ELP6: variants seen among roughly 807,000 people sequenced by gnomAD.
ELP6 encodes the protein elongator complex protein 6.
A neutral mutation model predicts 28.1 loss-of-function variants in ELP6; 23 were observed. The observed-to-expected ratio is 0.82, with a 90% CI of 0.59 to 1.16. ELP6 has a LOEUF of 1.16. Among genes scored for constraint, ELP6 ranks in the 50% most tolerant of loss-of-function variants. The probability of loss-of-function intolerance (pLI) is 0.00; values close to 1 mark genes in which losing one functional copy is unlikely to be tolerated. For missense variants in ELP6, 313 were observed against 334.6 expected (o/e 0.94, Z 0.50); for synonymous variants, 132 against 135.8 (o/e 0.97, Z 0.19).
intron 4 of ELP6, 159 bp downstream of exon 4, chr3:47,504,171 G>A: frequency 5.7e-6 from 5 of 876,244 alleles, no homozygotes; most frequent in South Asian, 2.0e-5. Flanking sequence ...CATGATAAGA[G>A]CCAGCATTTG....
intron 6 of ELP6, among the ~76,000 whole-genome samples, chr3:47,497,660 C>T (rs1576336466): frequency 6.6e-6 from 1 of 151,072 alleles, no homozygotes; most frequent in African/African-American, 2.4e-5. Flanking sequence ...CACGGTGGCT[C>T]ACACCTGTAA....
intron 6 of ELP6, chr3:47,497,881 A>T: frequency 1.1e-6 from 1 of 892,532 alleles, no homozygotes; most frequent in African/African-American, 1.8e-5. Context: ...CAGTGAGCCA[A>T]GATCGCGCCA....
At position 47,503,258 on chromosome 3, in the gene ELP6, T is replaced by A. The variant is rs115714861; in HGVS notation, c.323+1072A>T. ...CACCCACTGCATAAGGGTGTGTGTG[T>A]CTGAGAGATAAGGCAGTGGGGGAAG... On this transcript the variant is annotated intron_variant, in intron 4 of 6. Transcript: ENST00000296149. The A allele has an allele frequency of 2.4e-3, 2,969 of 1,258,868 alleles. 69 individuals are homozygous for A. The African/African-American group carries it at 0.041, about 17-fold the overall frequency. 78.0% of individuals were successfully genotyped at this position (1,258,868 alleles called of 1,614,324 possible).
chr3:47,513,699 G>A lies in ELP6; in HGVS notation c.-109C>T, dbSNP rs1422152334. ...CAGCCCGGCTCGCGCAAGGAAGCGCGCATGCGCAATGCCACTTTTGCGAGC... is the reference window on the plus strand; with the variant it reads ...CAGCCCGGCTCGCGCAAGGAAGCGCACATGCGCAATGCCACTTTTGCGAGC... On this transcript the variant is annotated 5_prime_UTR_variant, in exon 1 of 7. Transcript: ENST00000296149. 3.5e-6 allele frequency: 5 copies of A among 1,418,926 alleles called. No individual in the cohort carries two copies. In the East Asian group the frequency reaches 7.6e-5, roughly 22 times the overall value. 87.9% of individuals were successfully genotyped at this position (1,418,926 alleles called of 1,614,324 possible). A position where few individuals can be genotyped will look rare whatever the true frequency, so the allele number is the denominator to read the frequency against.
chr3:47,498,597 C>T, intron 5 of ELP6, 165 bp from the exon 6 acceptor site: 1 of 985,412 alleles, frequency 1.0e-6, no homozygotes, highest in South Asian at 4.7e-5. Context: ...ACCCTAATTC[C>T]AGTCACCTAC....
Position 47,500,437 on chromosome 3 carries a change from T to G in ELP6, c.525+1213A>C, listed in dbSNP as rs184936538. 313 of 169,722 alleles carry G rather than the reference T, an allele frequency of 1.8e-3. 2 individuals carry two copies. The highest frequency in any genetic ancestry group is 2.7e-3 in the Non-Finnish European group (224 of 83,888). The allele number at this position is 169,722 out of a possible 1,614,324, so 10.5% of individuals were successfully genotyped here. ...CAAATATGTGCATAATTGTACAGAC[T>G]GGCTGGAAGGATGCACGTTGGAGGG... On this transcript the variant is annotated intron_variant, in intron 5 of 6. Coordinates refer to ENST00000296149, the MANE Select transcript of ELP6 (RefSeq NM_001031703.3).
intron 1 of ELP6, chr3:47,511,791 G>A (rs1709024086): frequency 7.1e-6 from 7 of 991,104 alleles, no homozygotes; most frequent in Non-Finnish European, 7.2e-6. Flanking sequence ...ACCTCTAAGG[G>A]TGGTCTCTGC....
chr3:47,512,529 C>T (rs916842309), intron 1 of ELP6: 15 of 880,918 alleles, frequency 1.7e-5, no homozygotes, highest in Non-Finnish European at 1.5e-5. Flanking sequence ...CCAGCCCAGG[C>T]GAGGGAGCGA....
At chr3:47,513,369 C>A (rs1030808893) in intron 1 of ELP6, 168 bp downstream of exon 1, 106 of 1,409,498 alleles carry the variant, frequency 7.5e-5, no homozygotes, top group Admixed American at 2.2e-4. Context: ...TTCGGCGGGC[C>A]CAAGCCTCCA....
chr3:47,499,836 C>G, intron 5 of ELP6: 1 of 1,170,720 alleles, frequency 8.5e-7, no homozygotes, highest in South Asian at 1.7e-5. Flanking sequence ...TGGACTGCTG[C>G]CACAGAACTC....
intron 1 of ELP6, chr3:47,512,693 T>C: frequency 2.0e-6 from 2 of 985,416 alleles, no homozygotes; most frequent in Non-Finnish European, 2.4e-6. Context: ...AAGACGGACT[T>C]GGTCCAAGCC....
At chr3:47,509,795 G>C (rs1157736439) in intron 3 of ELP6, among the ~76,000 whole-genome samples, 2 of 149,858 alleles carry the variant, frequency 1.3e-5, no homozygotes, top group Non-Finnish European at 3.0e-5. Context: ...TTTTGAGACA[G>C]AGTCTTGTTC....
chr3:47,510,198 C>A lies in ELP6; in HGVS notation c.190G>T (p.Val64Leu). ...AAAATATTTACCAGCTTCTGTCCCACGATACTGTAGTGGCTGAAGGACTGG... is the reference window on the plus strand; with the variant it reads ...AAAATATTTACCAGCTTCTGTCCCAAGATACTGTAGTGGCTGAAGGACTGG... ...LIQSFSHYSI[V>L]GQKLGVSLTM... Residue 64 changes from valine to leucine, a missense_variant, in exon 3 of 7, where the codon GTG becomes TTG. Val to Leu is a conservative substitution (Grantham distance 32, BLOSUM62 1). Coordinates refer to ENST00000296149, the MANE Select transcript of ELP6 (RefSeq NM_001031703.3). The A allele has an allele frequency of 6.2e-7, 1 of 1,613,756 alleles. No individual in the cohort carries two copies. Among genetic ancestry groups the A allele is most frequent in the South Asian group, 1.1e-5 (1 of 91,080 alleles).
At chr3:47,498,096 G>A in intron 6 of ELP6, 190 bp downstream of exon 6, 4 of 1,369,186 alleles carry the variant, frequency 2.9e-6, no homozygotes, top group Non-Finnish European at 3.9e-6. Flanking sequence ...TGGAAAACGT[G>A]GGCTGGTCCA....
Position 47,507,376 on chromosome 3 carries a change from A to C in ELP6, c.204+2808T>G, listed in dbSNP as rs1708871232. 2.6e-5 allele frequency among the ~76,000 whole-genome samples: 4 copies of C among 151,908 alleles called. No individual in the cohort carries two copies. In the South Asian group the frequency reaches 8.3e-4, roughly 32 times the overall value. Reference sequence around the variant, plus strand: ...AACTCTGTCTCAAAAAAAAAAAAAAAAAACAAAAGCAGACCCCTGGGTCTA... The same window carrying C: ...AACTCTGTCTCAAAAAAAAAAAAAACAAACAAAAGCAGACCCCTGGGTCTA... On this transcript the variant is annotated intron_variant, in intron 3 of 6. Coordinates refer to ENST00000296149, the MANE Select transcript of ELP6 (RefSeq NM_001031703.3).
intron 1 of ELP6, chr3:47,511,765 G>C (rs533673178): frequency 1.0e-6 from 1 of 985,304 alleles, no homozygotes; most frequent in East Asian, 1.1e-4. Context: ...GCCTGATCAT[G>C]GAGAGCTCTA....
chr3:47,501,677 G>C lies in ELP6; in HGVS notation c.498C>G (p.Cys166Trp). The C allele has an allele frequency of 6.2e-7, 1 of 1,614,064 alleles. No individual in the cohort carries two copies. The highest frequency in any genetic ancestry group is 8.5e-7 in the Non-Finnish European group (1 of 1,180,002). ...TTAGTTCCCAGCACACGGTGGCTCTGCAGTAGTGAATGAAGTCTAGCACAG... is the reference window on the plus strand; with the variant it reads ...TTAGTTCCCAGCACACGGTGGCTCTCCAGTAGTGAATGAAGTCTAGCACAG... ...AVAVLDFIHY[C>W]RATVCWELKG... Residue 166 changes from cysteine (C) to tryptophan (W), a missense_variant, in exon 5 of 7, where the codon TGC (cysteine) becomes TGG (tryptophan). Coordinates refer to ENST00000296149, the MANE Select transcript of ELP6 (RefSeq NM_001031703.3).
At chr3:47,512,039 T>C in intron 1 of ELP6, 1 of 985,508 alleles carries the variant, frequency 1.0e-6, no homozygotes, top group Non-Finnish European at 1.2e-6. Context: ...TTCTTTCACC[T>C]GGCCCTAGGC....
At position 47,496,069 on chromosome 3, in the gene ELP6, T is replaced by C. The variant is rs1418523438; in HGVS notation, c.801A>G (p.Ter267TrpextTer10). Residue 267 changes from the stop codon to tryptophan (W), a stop_lost, in exon 7 of 7, where the codon TGA becomes TGG. Transcript: ENST00000296149. ...TAGCTTCAGCTGCTCCGAAATCAGGTCACAGAACAGCAGGAGACATTCCTT... is the reference window on the plus strand; with the variant it reads ...TAGCTTCAGCTGCTCCGAAATCAGGCCACAGAACAGCAGGAGACATTCCTT... ...FAKGMSPAVL[*>W] 2.5e-6 allele frequency: 4 copies of C among 1,614,090 alleles called. No homozygotes were observed. In the South Asian group the frequency reaches 4.4e-5, roughly 18 times the overall value.
Sources: gnomAD v4.1 joint callset for allele counts (sites outside exome capture counted in the v4.1 genomes callset) on GRCh38, gnomAD v4.1.1 for gene constraint, MANE v1.5 for transcripts, NCBI Gene and HGNC (gene_info 2026-07-23, HGNC 2026-07-21) for gene names.